The following ABCG4 variants were observed in gnomAD, a reference collection of about 807,000 sequenced individuals.
ABCG4 encodes ATP binding cassette subfamily G member 4, also known as ATP-binding cassette sub-family G member 4.
Under a neutral mutation model 64.6 loss-of-function variants are expected in ABCG4, and 35 were observed. The ratio of observed to expected loss-of-function variants is 0.54; its 90% CI spans 0.41 to 0.72. ABCG4 has a LOEUF of 0.72. ABCG4 is among the 30% of genes least tolerant of loss of function. ABCG4 has a pLI of 0.00. For missense variants in ABCG4, 610 were observed against 846.3 expected (o/e 0.72, Z 3.46); for synonymous variants, 326 against 348.2 (o/e 0.94, Z 0.71).
chr11:119,149,771 C>T lies in ABCG4; in HGVS notation c.-12-183C>T. 1 of 973,790 alleles carries T rather than the reference C, an allele frequency of 1.0e-6. No homozygotes were observed. Among genetic ancestry groups the T allele is most frequent in the Non-Finnish European group, 1.5e-6 (1 of 680,394 alleles). The allele number at this position is 973,790 out of a possible 1,614,324, so 60.3% of individuals were successfully genotyped here. On this transcript the variant is annotated intron_variant, in intron 1 of 14. Coordinates refer to ENST00000619701, the MANE Select transcript of ABCG4 (RefSeq NM_022169.5). This position sits in a 1 kb window ranked among gnomAD's most constrained non-coding sequence, Gnocchi z 8.3. ...GGGCTGGGGTCAGGCTGGAGCTGGG[C>T]TGCCCGGGACTGAGCGTCTCCGTGC...
At chr11:119,153,185 A>G (rs865963492) in intron 2 of ABCG4, 2 of 152,606 alleles carry the variant, frequency 1.3e-5, no homozygotes, top group South Asian at 4.1e-4. Flanking sequence ...GATAGGTACT[A>G]TCATCCTCAT....
Position 119,154,921 on chromosome 11 carries a change from T to C in ABCG4, c.686+6T>C, listed in dbSNP as rs1948246542. On this transcript the variant is annotated splice_donor_region_variant and intron_variant, in intron 6 of 14. Transcript: ENST00000619701. This position sits in a 1 kb window ranked among gnomAD's most constrained non-coding sequence, Gnocchi z 7.0. The stretch of plus-strand genomic sequence containing the variant: ...TTCTTTGATGAGCCCACCAGGTAGT[T>C]CTCTCCACCCTTTCCCACCAGGATA... 6.2e-7 allele frequency: 1 copy of C among 1,602,672 alleles called. No individual in the cohort carries two copies. Among genetic ancestry groups the C allele is most frequent in the South Asian group, 1.1e-5 (1 of 90,556 alleles).
rs200285612 is a variant in ABCG4 at position 119,160,502 on chromosome 11, C to A, written c.1597-36C>A. On this transcript the variant is annotated intron_variant, in intron 13 of 14. Transcript: ENST00000619701. This position sits in a 1 kb window ranked among gnomAD's most constrained non-coding sequence, Gnocchi z 4.6. ...GGAAACCTGGGTTTGTCCTGGTCAC[C>A]CCTATGATGGCCTGGCCCCCTCCCT... 1.2e-6 allele frequency: 2 copies of A among 1,608,042 alleles called. No individual in the cohort carries two copies. Among genetic ancestry groups the A allele is most frequent in the Non-Finnish European group, 1.7e-6 (2 of 1,178,730 alleles).
At position 119,160,183 on chromosome 11, in the gene ABCG4, C is replaced by A; in HGVS notation, c.1438-44C>A. 6.3e-7 allele frequency: 1 copy of A among 1,576,576 alleles called. No individual in the cohort carries two copies. The highest frequency in any genetic ancestry group is 1.7e-5 in the Admixed American group (1 of 58,220). ...TGGAGTGGAGGTCTTGGCTGCTGTG[C>A]CCCTGGCTTGAAGTCCACTGTCCAG... is the stretch of plus-strand genomic sequence containing the variant. On this transcript the variant is annotated intron_variant, in intron 12 of 14. Coordinates refer to ENST00000619701, the MANE Select transcript of ABCG4 (RefSeq NM_022169.5). The surrounding 1 kb of genome is among the most constrained non-coding windows in gnomAD (Gnocchi z 4.6).
chr11:119,156,867 C>T lies in ABCG4; in HGVS notation c.926-5C>T. 1 of 1,605,624 alleles carries T rather than the reference C, an allele frequency of 6.2e-7. No homozygotes were observed. Among genetic ancestry groups the T allele is most frequent in the Non-Finnish European group, 8.5e-7 (1 of 1,175,502 alleles). On this transcript the variant is annotated splice_polypyrimidine_tract_variant and splice_region_variant and intron_variant, in intron 8 of 14. Transcript: ENST00000619701. This position sits in a 1 kb window ranked among gnomAD's most constrained non-coding sequence, Gnocchi z 5.5. ...TAAACTGAGCTCTCCACTCTGTGTC[C>T]CCAGTCATCGAGGTGGCCTCTGGCG...
Position 119,156,835 on chromosome 11 carries a change from G to A in ABCG4, c.926-37G>A, listed in dbSNP as rs4148170. 0.095 allele frequency: 151,972 copies of A among 1,593,530 alleles called. 10,755 individuals are homozygous for A. Among genetic ancestry groups the A allele is most frequent in the South Asian group, 0.29 (26,096 of 88,542 alleles). ...ACTGACTTGCCCTTGGGAAGTGAGT[G>A]TGAATCTAAACTGAGCTCTCCACTC... On this transcript the variant is annotated intron_variant, in intron 8 of 14. Coordinates refer to ENST00000619701, the MANE Select transcript of ABCG4 (RefSeq NM_022169.5). The surrounding 1 kb of genome is among the most constrained non-coding windows in gnomAD (Gnocchi z 5.5).
chr11:119,149,200 T>A lies in ABCG4; in HGVS notation c.-176T>A, dbSNP rs1948155530. 1 of 151,416 alleles carries A rather than the reference T, an allele frequency of 6.6e-6. No homozygotes were observed. The highest frequency in any genetic ancestry group is 6.6e-5 in the Admixed American group (1 of 15,232). The allele number at this position is 151,416 out of a possible 1,614,324, so 9.4% of individuals were successfully genotyped here. A position where few individuals can be genotyped will look rare whatever the true frequency, so the allele number is the denominator to read the frequency against. ...CGAGCCGAGGGCCGGCCCTCCTGCC[T>A]CGCCTGCCCCGCCCCGGCCCCGCCC... is the stretch of plus-strand genomic sequence containing the variant. On this transcript the variant is annotated 5_prime_UTR_variant, in exon 1 of 15. Coordinates refer to ENST00000619701, the MANE Select transcript of ABCG4 (RefSeq NM_022169.5). This position sits in a 1 kb window ranked among gnomAD's most constrained non-coding sequence, Gnocchi z 8.3.
At position 119,156,392 on chromosome 11, in the gene ABCG4, C is replaced by G. The variant is rs1948264094; in HGVS notation, c.750C>G (p.Gly250=). The change falls in exon 7 of 15, where the codon GGC becomes GGG. Residue 250 remains glycine, a synonymous_variant. Coordinates refer to ENST00000619701, the MANE Select transcript of ABCG4 (RefSeq NM_022169.5). The surrounding 1 kb of genome is among the most constrained non-coding windows in gnomAD (Gnocchi z 5.5). Reference sequence around the variant, plus strand: ...TCATGAAGTCCCTGGCACAGGGGGGCCGTACCATCATCTGCACCATCCACC... The same window carrying G: ...TCATGAAGTCCCTGGCACAGGGGGGGCGTACCATCATCTGCACCATCCACC... ...VSLMKSLAQG[G]RTIICTIHQP... 1.2e-6 allele frequency: 2 copies of G among 1,614,180 alleles called. No individual in the cohort carries two copies. Among genetic ancestry groups the G allele is most frequent in the Admixed American group, 3.3e-5 (2 of 60,020 alleles).
intron 12 of ABCG4, among the ~76,000 whole-genome samples, chr11:119,159,929 A>T (rs180700831): frequency 7.9e-5 from 12 of 152,000 alleles, no homozygotes; most frequent in African/African-American, 2.7e-4. Context: ...TAACAATATA[A>T]CGAATAAGCT....
rs1391556314 is a variant in ABCG4 at position 119,149,654 on chromosome 11, A to G, written c.-13+291A>G. On this transcript the variant is annotated intron_variant, in intron 1 of 14. Coordinates refer to ENST00000619701, the MANE Select transcript of ABCG4 (RefSeq NM_022169.5). The surrounding 1 kb of genome is among the most constrained non-coding windows in gnomAD (Gnocchi z 8.3). ...GGCTGCCTCTTCTCCCCCGCCCCCT[A>G]TTCCTTCAGTCCCCAGGGGCTGCTG... 10 of 395,002 alleles carry G rather than the reference A, an allele frequency of 2.5e-5. No homozygotes were observed. The South Asian group carries it at 3.8e-4, about 15-fold the overall frequency. The allele number at this position is 395,002 out of a possible 1,614,324, so 24.5% of individuals were successfully genotyped here.
intron 2 of ABCG4, among the ~76,000 whole-genome samples, chr11:119,152,125 T>A (rs1467426696): frequency 6.6e-6 from 1 of 152,218 alleles, no homozygotes; most frequent in African/African-American, 2.4e-5. Context: ...GAAAGGCATA[T>A]GCTGGAGTGC....
At chr11:119,157,601 T>C (rs931420845) in intron 9 of ABCG4, among the ~76,000 whole-genome samples, 1 of 152,212 alleles carries the variant, frequency 6.6e-6, no homozygotes, top group Non-Finnish European at 1.5e-5. Flanking sequence ...CCTGGCCGGA[T>C]ACAGTGGCCC....
chr11:119,156,976 A>C lies in ABCG4; in HGVS notation c.1030A>C (p.Lys344Gln). ...AMAEKKSSPE[K>Q]NEVPAPCPPC... ...GGCTGAGAAGAAGAGCAGCCCTGAGAAGAACGAGGTCCCTGCCCCATGCCC... is the reference window on the plus strand; with the variant it reads ...GGCTGAGAAGAAGAGCAGCCCTGAGCAGAACGAGGTCCCTGCCCCATGCCC... Residue 344 changes from lysine (K) to glutamine (Q), a missense_variant, in exon 9 of 15, where the codon AAG becomes CAG. Physicochemically the swap from Lys to Gln is moderately conservative, Grantham distance 53. Coordinates refer to ENST00000619701, the MANE Select transcript of ABCG4 (RefSeq NM_022169.5). The surrounding 1 kb of genome is among the most constrained non-coding windows in gnomAD (Gnocchi z 5.5). 1 of 1,613,550 alleles carries C rather than the reference A, an allele frequency of 6.2e-7. No homozygotes were observed. Among genetic ancestry groups the C allele is most frequent in the Non-Finnish European group, 8.5e-7 (1 of 1,179,748 alleles).
rs754930653 is a variant in ABCG4 at position 119,158,976 on chromosome 11, T to G, written c.1437+47T>G. 6.4e-7 allele frequency: 1 copy of G among 1,565,894 alleles called. No homozygotes were observed. Among genetic ancestry groups the G allele is most frequent in the East Asian group, 2.2e-5 (1 of 44,578 alleles). ...GCCCACTGCCTCCATCTTGTCTTGC[T>G]CCTTCTATCCTTGCTTTCTTGCCTC... On this transcript the variant is annotated intron_variant, in intron 12 of 14. Coordinates refer to ENST00000619701, the MANE Select transcript of ABCG4 (RefSeq NM_022169.5). This position sits in a 1 kb window ranked among gnomAD's most constrained non-coding sequence, Gnocchi z 4.5.
chr11:119,161,263 C>T lies in ABCG4; in HGVS notation c.*157C>T. The T allele has an allele frequency of 1.5e-6, 1 of 661,946 alleles. No individual in the cohort carries two copies. The highest frequency in any genetic ancestry group is 2.0e-5 in the South Asian group (1 of 51,026). 41.0% of individuals were successfully genotyped at this position (661,946 alleles called of 1,614,324 possible). A position where few individuals can be genotyped will look rare whatever the true frequency, so the allele number is the denominator to read the frequency against. On this transcript the variant is annotated 3_prime_UTR_variant, in exon 15 of 15. Transcript: ENST00000619701. ...CACAGGCTGGCTGTCGGACTGCGCT[C>T]CCAGCCTGGGCTCTGGGAGTGGGGG...
At position 119,160,655 on chromosome 11, in the gene ABCG4, A is replaced by G; in HGVS notation, c.1714A>G (p.Arg572Gly). 1 of 1,612,600 alleles carries G rather than the reference A, an allele frequency of 6.2e-7. No homozygotes were observed. The highest frequency in any genetic ancestry group is 8.5e-7 in the Non-Finnish European group (1 of 1,178,830). ...LQWSSYLSYV[R>G]YGFEGVILTI... ...ATGGAGCTCCTATCTCTCCTATGTC[A>G]GGTCAGTACCCCTGCCCTCCTCGTT... The change falls in exon 14 of 15, where the codon AGG becomes GGG. Residue 572 changes from arginine (R) to glycine (G), a missense_variant and splice_region_variant. Arg to Gly is a moderately radical substitution (Grantham distance 125). Transcript: ENST00000619701. The surrounding 1 kb of genome is among the most constrained non-coding windows in gnomAD (Gnocchi z 4.6).
chr11:119,160,121 A>C lies in ABCG4; in HGVS notation c.1438-106A>C. The C allele has an allele frequency of 7.9e-7, 1 of 1,262,358 alleles. No individual in the cohort carries two copies. Among genetic ancestry groups the C allele is most frequent in the Non-Finnish European group, 1.1e-6 (1 of 910,122 alleles). The allele number at this position is 1,262,358 out of a possible 1,614,324, so 78.2% of individuals were successfully genotyped here. A position where few individuals can be genotyped will look rare whatever the true frequency, so the allele number is the denominator to read the frequency against. Reference sequence around the variant, plus strand: ...ACAAGAATGTGGAGGCAGGATGGACACCCTGGGAATAGGTATTCTAGAGGC... The same window carrying C: ...ACAAGAATGTGGAGGCAGGATGGACCCCCTGGGAATAGGTATTCTAGAGGC... On this transcript the variant is annotated intron_variant, in intron 12 of 14. Coordinates refer to ENST00000619701, the MANE Select transcript of ABCG4 (RefSeq NM_022169.5). The surrounding 1 kb of genome is among the most constrained non-coding windows in gnomAD (Gnocchi z 4.6).
chr11:119,154,254 C>T lies in ABCG4; in HGVS notation c.357-6C>T. 5 of 1,614,132 alleles carry T rather than the reference C, an allele frequency of 3.1e-6. No homozygotes were observed. Among genetic ancestry groups the T allele is most frequent in the South Asian group, 2.2e-5 (2 of 91,084 alleles). On this transcript the variant is annotated splice_region_variant and splice_polypyrimidine_tract_variant and intron_variant, in intron 3 of 14. Coordinates refer to ENST00000619701, the MANE Select transcript of ABCG4 (RefSeq NM_022169.5). This position sits in a 1 kb window ranked among gnomAD's most constrained non-coding sequence, Gnocchi z 7.0. Reference sequence around the variant, plus strand: ...TGACCCCCATCCTCAACCCACATCCCTGCAGGGAGTCTGGAATGAAGGGGC... The same window carrying T: ...TGACCCCCATCCTCAACCCACATCCTTGCAGGGAGTCTGGAATGAAGGGGC...
chr11:119,158,502 T>G lies in ABCG4; in HGVS notation c.1168-55T>G. 6 of 1,608,910 alleles carry G rather than the reference T, an allele frequency of 3.7e-6. No homozygotes were observed. The highest frequency in any genetic ancestry group is 5.1e-6 in the Non-Finnish European group (6 of 1,175,424). The stretch of plus-strand genomic sequence containing the variant: ...CCGAGTTCCTACTCCAAGTCTACTC[T>G]GTGGCTTGCCCTGGCCTGTAACACA... On this transcript the variant is annotated intron_variant, in intron 10 of 14. Transcript: ENST00000619701. This position sits in a 1 kb window ranked among gnomAD's most constrained non-coding sequence, Gnocchi z 4.5.
Sources: gnomAD v4.1 joint callset for allele counts (sites outside exome capture counted in the v4.1 genomes callset) on GRCh38, gnomAD v4.1.1 for gene constraint, Gnocchi (gnomAD v3.1) non-coding constraint, MANE v1.5 for transcripts, NCBI Gene and HGNC (gene_info 2026-07-23, HGNC 2026-07-21) for gene names.